MANBA: variants seen among roughly 807,000 people sequenced by gnomAD.
MANBA encodes the protein mannosidase beta.
MANBA carries 83 observed loss-of-function variants against 111.1 expected under a neutral mutation model. The observed-to-expected ratio is 0.75, with a 90% CI of 0.63 to 0.90. The LOEUF is 0.90. Among genes scored for constraint, MANBA ranks in the 40% least tolerant of loss-of-function variants. The pLI is 0.00. For missense variants in MANBA, 1,036 were observed against 1,069.0 expected (o/e 0.97, Z 0.43); for synonymous variants, 370 against 378.7 (o/e 0.98, Z 0.27).
At chr4:102,759,500 A>T (rs541721139) in intron 1 of MANBA, among the ~76,000 whole-genome samples, 47 of 152,144 alleles carry the variant, frequency 3.1e-4, no homozygotes, top group Middle Eastern at 3.4e-3. Flanking sequence ...GATCTACTCT[A>T]AAAATACATC....
chr4:102,749,320 T>C (rs1172725830), intron 1 of MANBA, among the ~76,000 whole-genome samples: 1 of 152,166 alleles, frequency 6.6e-6, no homozygotes, highest in Non-Finnish European at 1.5e-5. Context: ...ATGTGGTGGT[T>C]AGACACAAGC....
At chr4:102,750,553 C>G (rs77473834) in intron 1 of MANBA, among the ~76,000 whole-genome samples, 1 of 152,062 alleles carries the variant, frequency 6.6e-6, no homozygotes, top group Non-Finnish European at 1.5e-5. Flanking sequence ...AAGGAACTCC[C>G]TATCTTTTAA....
At chr4:102,712,582 C>G (rs970471835) in intron 5 of MANBA, among the ~76,000 whole-genome samples, 24 of 150,508 alleles carry the variant, frequency 1.6e-4, no homozygotes, top group Non-Finnish European at 2.8e-4. Context: ...TGCAGTGGTA[C>G]AATCACAACT....
At chr4:102,720,007 C>T (rs1722500911) in intron 4 of MANBA, among the ~76,000 whole-genome samples, 1 of 152,140 alleles carries the variant, frequency 6.6e-6, no homozygotes, top group Non-Finnish European at 1.5e-5. Context: ...GTTTTAAATG[C>T]CACAAATTGA....
intron 11 of MANBA, among the ~76,000 whole-genome samples, chr4:102,661,816 A>G (rs1234882107): frequency 2.0e-5 from 3 of 152,262 alleles, no homozygotes; most frequent in African/African-American, 7.2e-5. Context: ...TAGTTGGACC[A>G]GGAAATACCA....
At chr4:102,728,528 G>C (rs1264784031) in intron 1 of MANBA, 2 of 374,598 alleles carry the variant, frequency 5.3e-6, no homozygotes, top group Admixed American at 7.7e-5. Context: ...GCTGTTGGCA[G>C]AGCTAGCAGA....
At chr4:102,639,561 G>A in intron 14 of MANBA, 152 bp downstream of exon 14, 1 of 995,020 alleles carries the variant, frequency 1.0e-6, no homozygotes, top group Non-Finnish European at 1.5e-6. Context: ...GAGTTGGGTG[G>A]CTGTAGTTCC....
intron 4 of MANBA, among the ~76,000 whole-genome samples, chr4:102,717,198 C>T (rs1722374203): frequency 6.6e-6 from 1 of 152,070 alleles, no homozygotes; most frequent in Admixed American, 6.6e-5. Flanking sequence ...GGGAGTACTT[C>T]AATATACACA....
At chr4:102,733,169 C>T (rs962646126) in intron 1 of MANBA, among the ~76,000 whole-genome samples, 19 of 152,132 alleles carry the variant, frequency 1.2e-4, no homozygotes, top group African/African-American at 3.9e-4. Flanking sequence ...TACAGGAGGC[C>T]GTTGTTGACT....
At chr4:102,742,121 T>C (rs970273010) in intron 1 of MANBA, among the ~76,000 whole-genome samples, 3 of 152,192 alleles carry the variant, frequency 2.0e-5, no homozygotes, top group Non-Finnish European at 4.4e-5. Context: ...CTTGATAGTC[T>C]GGGTCAATCA....
At chr4:102,746,711 G>A (rs1302764447) in intron 1 of MANBA, among the ~76,000 whole-genome samples, 3 of 152,196 alleles carry the variant, frequency 2.0e-5, no homozygotes, top group East Asian at 3.8e-4. Flanking sequence ...TGTGGCTCAC[G>A]ACTGTCATCC....
chr4:102,639,658 C>T, intron 14 of MANBA, 55 bp downstream of exon 14: 1 of 1,609,944 alleles, frequency 6.2e-7, no homozygotes, highest in Non-Finnish European at 8.5e-7. Flanking sequence ...TTCTCAGTCC[C>T]TCTCCCCACA....
intron 1 of MANBA, among the ~76,000 whole-genome samples, chr4:102,736,809 G>A (rs79441639): frequency 9.2e-4 from 140 of 152,186 alleles, no homozygotes; most frequent in African/African-American, 3.2e-3. Context: ...GGAACATACC[G>A]GGAAAACCAA....
At chr4:102,671,510 T>A in intron 8 of MANBA, 112 bp from the exon 9 acceptor site, 1 of 707,196 alleles carries the variant, frequency 1.4e-6, no homozygotes, top group Non-Finnish European at 2.5e-6. Context: ...CATGATGGTT[T>A]GGTTACAATG....
rs574121255 is a variant in MANBA at position 102,697,807 on chromosome 4, A to G, written c.674-7036T>C. Among the ~76,000 whole-genome samples, 462 of 152,078 alleles carry G rather than the reference A, an allele frequency of 3.0e-3. 1 individual carries two copies. Among genetic ancestry groups the G allele is most frequent in the Middle Eastern group, 0.014 (4 of 294 alleles). ...AGTCTTTGCTATTGTGAATAGTGCC[A>G]CAATAAACATACCTGTGCATGTGTC... On this transcript the variant is annotated intron_variant, in intron 5 of 16. Transcript: ENST00000647097.
chr4:102,633,462 C>A, intron 16 of MANBA: 1 of 398,602 alleles, frequency 2.5e-6, no homozygotes, highest in South Asian at 1.3e-4. Context: ...GCCTGGGATT[C>A]AAGCTTGCAC....
At chr4:102,760,634 G>T in intron 1 of MANBA, 84 bp downstream of exon 1, 1 of 1,386,830 alleles carries the variant, frequency 7.2e-7, no homozygotes, top group Admixed American at 2.4e-5. Flanking sequence ...CCCAGAGCTG[G>T]GGGCTGCCAG....
intron 6 of MANBA, among the ~76,000 whole-genome samples, chr4:102,689,975 T>C (rs1205796490): frequency 2.0e-5 from 3 of 152,198 alleles, no homozygotes; most frequent in South Asian, 4.1e-4. Context: ...CTTACATTTA[T>C]TCCACATTCT....
chr4:102,725,742 T>C (rs779855741), intron 2 of MANBA, among the ~76,000 whole-genome samples: 4 of 152,114 alleles, frequency 2.6e-5, no homozygotes, highest in South Asian at 2.1e-4. Flanking sequence ...GATGGAAAGA[T>C]GGAAATGAGA....
Sources: gnomAD v4.1 joint callset for allele counts (sites outside exome capture counted in the v4.1 genomes callset) on GRCh38, gnomAD v4.1.1 for gene constraint, MANE v1.5 for transcripts, NCBI Gene and HGNC (gene_info 2026-07-23, HGNC 2026-07-21) for gene names.